Variants in GON4L observed in about 807,000 individuals in gnomAD.
GON4L encodes GON-4-like protein.
A neutral mutation model predicts 211.8 loss-of-function variants in GON4L; 87 were observed. That is an observed-to-expected ratio of 0.41 (90% CI 0.35 to 0.49). The LOEUF (loss-of-function observed/expected upper bound fraction) is 0.49. Among genes scored for constraint, GON4L ranks in the 20% least tolerant of loss-of-function variants. The pLI is 0.15. For synonymous variants in GON4L, 875 were observed against 962.6 expected (o/e 0.91, Z 1.68); for missense variants, 2,155 against 2,659.5 (o/e 0.81, Z 4.17).
At chr1:155,769,384 A>G (rs1662930854) in intron 19 of GON4L, among the ~76,000 whole-genome samples, 1 of 151,786 alleles carries the variant, frequency 6.6e-6, no homozygotes, top group Non-Finnish European at 1.5e-5. Flanking sequence ...TCAGGAAATA[A>G]GAAGATCCAA....
At chr1:155,777,272 T>C (rs1219076098) in intron 15 of GON4L, among the ~76,000 whole-genome samples, 1 of 152,190 alleles carries the variant, frequency 6.6e-6, no homozygotes, top group Admixed American at 6.5e-5. Flanking sequence ...GCCTCAGAGT[T>C]AGGCCTTGGT....
chr1:155,846,163 T>C (rs1671214918), intron 2 of GON4L: 2 of 231,530 alleles, frequency 8.6e-6, no homozygotes, highest in South Asian at 1.6e-4. Flanking sequence ...CGCTGATCCA[T>C]TCTGTGATCA....
At chr1:155,797,609 C>T (rs1194293601) in intron 11 of GON4L, among the ~76,000 whole-genome samples, 7 of 150,734 alleles carry the variant, frequency 4.6e-5, no homozygotes, top group South Asian at 2.1e-4. Context: ...TTTGGGAGGC[C>T]GAGGTGGGAA....
At chr1:155,810,439 G>A (rs983147990) in intron 10 of GON4L, among the ~76,000 whole-genome samples, 13 of 152,060 alleles carry the variant, frequency 8.5e-5, no homozygotes, top group Non-Finnish European at 1.6e-4. Context: ...CAGGCATGGT[G>A]GCTCACGCCT....
downstream of GON4L, chr1:155,745,811 C>T: frequency 1.6e-6 from 1 of 607,060 alleles, no homozygotes; most frequent in South Asian, 1.9e-5. Context: ...GCGCGGCGGC[C>T]CCGTGGAGCA....
At chr1:155,815,347 G>A (rs1668145420) in intron 8 of GON4L, among the ~76,000 whole-genome samples, 2 of 152,174 alleles carry the variant, frequency 1.3e-5, no homozygotes, top group East Asian at 1.9e-4. Context: ...ATATAAACAT[G>A]GGTCCATTTA....
At chr1:155,771,487 T>C (rs1663184194) in intron 18 of GON4L, among the ~76,000 whole-genome samples, 1 of 152,058 alleles carries the variant, frequency 6.6e-6, no homozygotes, top group African/African-American at 2.4e-5. Context: ...TTTCATTTTT[T>C]TTCAGACAGG....
Position 155,832,666 on chromosome 1 carries a change from CA to C in GON4L, c.506-5639del, listed in dbSNP as rs376228975. On this transcript the variant is annotated intron_variant, in intron 2 of 31. Coordinates refer to ENST00000368331, the MANE Select transcript of GON4L (RefSeq NM_001282860.2). ...AAACAAACAAACAAACAAACAATAA[CA>C]ACAACAAAAAGGTATCAATTGTAAC... is the stretch of plus-strand genomic sequence containing the variant. Among the ~76,000 whole-genome samples, 66 of 152,120 alleles carry C rather than the reference CA, an allele frequency of 4.3e-4. No individual in the cohort carries two copies. In the East Asian group the frequency reaches 0.011, roughly 25 times the overall value.
chr1:155,759,958 TTATATATTATATATATA>T (rs1557827095), intron 24 of GON4L, among the ~76,000 whole-genome samples: 1 of 136,174 alleles, frequency 7.3e-6, no homozygotes, highest in Non-Finnish European at 1.5e-5. Flanking sequence ...AATTTATATT[TTATATATTATATATATA>T]TATATATGAT....
chr1:155,841,030 A>C (rs578081589), intron 2 of GON4L, among the ~76,000 whole-genome samples: 2 of 152,330 alleles, frequency 1.3e-5, no homozygotes, highest in Admixed American at 6.5e-5. Flanking sequence ...AGTGAAACTC[A>C]GTCTCAAAAA....
In GON4L at chr1:155,804,901, CAACAG is replaced by C. The variant is rs751522045; in HGVS notation, c.1645+43_1645+47del. On this transcript the variant is annotated intron_variant, in intron 11 of 31. Transcript: ENST00000368331. ...ACCCTTCCAAATACTAAAAATTTTA[CAACAG>C]ATAATGGACAGTATACATAATAAAT... The C allele has an allele frequency of 5.8e-6, 8 of 1,381,508 alleles. No individual in the cohort carries two copies. In the East Asian group the frequency reaches 1.8e-4, roughly 32 times the overall value. The allele number at this position is 1,381,508 out of a possible 1,614,324, so 85.6% of individuals were successfully genotyped here.
chr1:155,767,630 G>C (rs1662664756), intron 19 of GON4L, 89 bp from the exon 20 acceptor site: 30 of 1,506,172 alleles, frequency 2.0e-5, no homozygotes, highest in Non-Finnish European at 2.7e-5. Flanking sequence ...GGTGGATCAA[G>C]AGAAACACAC....
At chr1:155,823,885 T>TCA (rs982982597) in intron 3 of GON4L, among the ~76,000 whole-genome samples, 32 of 151,358 alleles carry the variant, frequency 2.1e-4, no homozygotes, top group Admixed American at 5.3e-4. Context: ...GGAGCAAGAT[T>TCA]CACACACACA....
chr1:155,754,820 T>G (rs1177067786), intron 27 of GON4L, among the ~76,000 whole-genome samples: 1 of 151,152 alleles, frequency 6.6e-6, no homozygotes, highest in Non-Finnish European at 1.5e-5. Flanking sequence ...TGAGCCACTG[T>G]GCCTGGCCGT....
In GON4L at chr1:155,784,056, C is replaced by G; in HGVS notation, c.1822G>C (p.Asp608His). 4 of 1,614,110 alleles carry G rather than the reference C, an allele frequency of 2.5e-6. No individual in the cohort carries two copies. The highest frequency in any genetic ancestry group is 3.4e-6 in the Non-Finnish European group (4 of 1,179,978). Residue 608 changes from aspartate to histidine, a missense_variant, in exon 14 of 32, where the codon GAT (aspartate) becomes CAT (histidine). Physicochemically the swap from Asp to His is moderately conservative, Grantham distance 81. Around this residue, in one of 6 missense-constraint regions of GON4L, gnomAD observed 551 missense variants for 854.0 expected, o/e 0.65. Transcript: ENST00000368331. ...CACTCCTCCTCTTCTGGGCCATCAT[C>G]TTCCATGTTGGAGAATCCCATCTCA... ...QDEMGFSNMEDDGPEEEECVA... is the reference protein window; with the variant it reads ...QDEMGFSNMEHDGPEEEECVA...
intron 12 of GON4L, among the ~76,000 whole-genome samples, chr1:155,791,523 T>G (rs1435805925): frequency 3.3e-5 from 5 of 151,716 alleles, no homozygotes; most frequent in Non-Finnish European, 7.4e-5. Flanking sequence ...AAACATCTTT[T>G]AATATGTACA....
At chr1:155,798,716 T>C (rs1666338589) in intron 11 of GON4L, among the ~76,000 whole-genome samples, 1 of 151,212 alleles carries the variant, frequency 6.6e-6, no homozygotes, top group South Asian at 2.1e-4. Flanking sequence ...ACACTGCGCC[T>C]GATCAAAAAG....
At chr1:155,785,760 T>C (rs1458849889) in intron 12 of GON4L, among the ~76,000 whole-genome samples, 1 of 152,120 alleles carries the variant, frequency 6.6e-6, no homozygotes, top group Non-Finnish European at 1.5e-5. Context: ...GGATTACAGG[T>C]GTGAGCCACC....
At chr1:155,803,375 G>T (rs993315391) in intron 11 of GON4L, among the ~76,000 whole-genome samples, 6 of 151,884 alleles carry the variant, frequency 4.0e-5, no homozygotes, top group African/African-American at 1.5e-4. Flanking sequence ...CTCCTGAGTA[G>T]CTGGGACTAC....
Sources: allele counts gnomAD v4.1 joint callset (sites outside exome capture counted in the v4.1 genomes callset), GRCh38; gene constraint gnomAD v4.1.1; regional missense constraint gnomAD v4.1.1; transcripts MANE v1.5; gene names NCBI Gene and HGNC (gene_info 2026-07-23, HGNC 2026-07-21).